Variants in NBPF20 observed in about 807,000 individuals in gnomAD.
The protein encoded by NBPF20 is NBPF family member NBPF20.
Under a neutral mutation model 68.1 loss-of-function variants are expected in NBPF20, and 90 were observed. The observed-to-expected ratio is 1.32, with a 90% CI of 1.11 to 1.58. NBPF20 has a LOEUF of 1.58. Ranked by LOEUF, NBPF20 falls within the 40% of genes most tolerant of loss-of-function variation. NBPF20 has a pLI of 0.00. For synonymous variants in NBPF20, 290 were observed against 228.1 expected (o/e 1.27, Z -2.45); for missense variants, 816 against 601.2 (o/e 1.36, Z -3.74).
At chr1:145,393,395 G>A in intron 9 of NBPF20, 149 bp from the exon 15 acceptor site, 2 of 711,876 alleles carry the variant, frequency 2.8e-6, no homozygotes, top group East Asian at 2.7e-5. Context: ...CTTTATGTTG[G>A]GATAGACTAG....
At chr1:145,419,081 GAGGAAGGA>G in the NBPF20 span, among the ~76,000 whole-genome samples, 3 of 132,714 alleles carry the variant, frequency 2.3e-5, no homozygotes, top group East Asian at 4.5e-4. Flanking sequence ...GGAAGGGAGG[GAGGAAGGA>G]AGGAAGGAAG....
At chr1:145,292,254 C>T (rs1412188375) in intron 137 of NBPF20, 127 bp downstream of exon 142, 2 of 619,690 alleles carry the variant, frequency 3.2e-6, no homozygotes, top group Non-Finnish European at 5.6e-6. Context: ...TGAAAACCAA[C>T]AGCAATGACA....
At chr1:145,393,650 A>T (rs1662055413) in intron 9 of NBPF20, 2 of 1,114,236 alleles carry the variant, frequency 1.8e-6, no homozygotes, top group Admixed American at 2.6e-5. Context: ...AGTTACCATG[A>T]GAATACAGCT....
chr1:145,298,355 C>G (rs1328736699), intron 129 of NBPF20, among the ~76,000 whole-genome samples: 2 of 142,324 alleles, frequency 1.4e-5, no homozygotes, highest in East Asian at 2.0e-4. Flanking sequence ...CACACACACA[C>G]AGACACACAC....
the NBPF20 span, among the ~76,000 whole-genome samples, chr1:145,423,757 T>C: frequency 6.6e-6 from 1 of 151,906 alleles, no homozygotes; most frequent in African/African-American, 2.4e-5. Context: ...CAAAATAATT[T>C]TTAACTGACA....
rs1471920421 is a variant in NBPF20, at chr1:145,292,659, G to A, written c.16589-170C>T. On this transcript the variant is annotated intron_variant, in intron 136 of 137. Transcript: ENST00000369373. The stretch of plus-strand genomic sequence containing the variant: ...AGGCTGTTCATGATAGAACTTCCTC[G>A]GTTTTTCTCCCAGAAACTGTGGGTA... 1.2e-4 allele frequency among the ~76,000 whole-genome samples: 17 copies of A among 147,730 alleles called. 1 individual carries two copies. The South Asian group carries it at 2.3e-3, about 20-fold the overall frequency.
the NBPF20 span, among the ~76,000 whole-genome samples, chr1:145,419,980 CTGAG>C: frequency 3.3e-5 from 5 of 151,840 alleles, no homozygotes; most frequent in Non-Finnish European, 5.9e-5. Context: ...ATACTGGCAA[CTGAG>C]CCATGTTTCC....
intron 137 of NBPF20, 124 bp from the exon 143 acceptor site, chr1:145,291,893 G>GT (rs1661129636): frequency 5.1e-6 from 8 of 1,569,348 alleles, no homozygotes; most frequent in Middle Eastern, 2.4e-4. Flanking sequence ...CATTAATGAG[G>GT]TAAAAAAAAA....
At chr1:145,393,815 T>A (rs1662068399) in intron 9 of NBPF20, 69 bp downstream of exon 14, 19 of 1,239,068 alleles carry the variant, frequency 1.5e-5, no homozygotes, top group Non-Finnish European at 2.0e-5. Flanking sequence ...CAGCATGTAC[T>A]GTTTTCCCTG....
At chr1:145,403,188 C>G (rs1161824485) in intron 3 of NBPF20, 28 bp downstream of exon 8, 3 of 1,612,156 alleles carry the variant, frequency 1.9e-6, no homozygotes, top group East Asian at 4.5e-5. Flanking sequence ...CACCTGCCCC[C>G]CTGCCTGCCA....
At chr1:145,291,850 A>G (rs1293398204) in intron 137 of NBPF20, 81 bp from the exon 143 acceptor site, 6 of 1,609,134 alleles carry the variant, frequency 3.7e-6, no homozygotes, top group Non-Finnish European at 5.1e-6. Flanking sequence ...GAAGTCACAT[A>G]AGGAAGTGGT....
chr1:145,396,617 C>T lies in NBPF20; in HGVS notation c.828-1476G>A, dbSNP rs1486594123. ...CAGCCAGAGAGAAAGGTCGGATTAC[C>T]CACAAAGGGAAGCCCATCAGACTAG... On this transcript the variant is annotated intron_variant, in intron 7 of 137. Transcript: ENST00000369373. Among the ~76,000 whole-genome samples the T allele has an allele frequency of 4.5e-4, 69 of 151,714 alleles. No individual in the cohort carries two copies. The South Asian group carries it at 0.014, about 31-fold the overall frequency.
At chr1:145,422,226 T>C in the NBPF20 span, among the ~76,000 whole-genome samples, 260 of 151,784 alleles carry the variant, frequency 1.7e-3, no homozygotes, top group African/African-American at 5.9e-3. Context: ...GACAGGAAGA[T>C]TGTAAAAACT....
chr1:145,406,105 T>G (rs1203953345), upstream of NBPF20, among the ~76,000 whole-genome samples: 1 of 145,840 alleles, frequency 6.9e-6, no homozygotes, highest in African/African-American at 2.5e-5. Flanking sequence ...TTTTTTTTTT[T>G]TTTGTATTTT....
At chr1:145,425,198 C>T in the NBPF20 span, among the ~76,000 whole-genome samples, 580 of 152,232 alleles carry the variant, frequency 3.8e-3, no homozygotes, top group Non-Finnish European at 6.2e-3. Context: ...GGAACTTAAG[C>T]CCCGGCGGGG....
exon 1 of NBPF20, chr1:145,405,516 G>A: frequency 1.4e-6 from 2 of 1,468,744 alleles, no homozygotes; most frequent in Non-Finnish European, 1.8e-6. Flanking sequence ...CAGTAGCTCA[G>A]ACTCTGATAA....
chr1:145,401,071 G>C, exon 5 of NBPF20: 2 of 1,608,034 alleles, frequency 1.2e-6, no homozygotes, highest in Non-Finnish European at 1.7e-6. Flanking sequence ...GGGGGCAGAC[G>C]ATTTCTGCAC....
chr1:145,406,014 G>GTTCA (rs1553667247), upstream of NBPF20, among the ~76,000 whole-genome samples: 1 of 150,160 alleles, frequency 6.7e-6, no homozygotes, highest in East Asian at 1.9e-4. Flanking sequence ...TGCCTCCCAG[G>GTTCA]TTCACGCTAT....
chr1:145,397,167 A>G (rs1407073526), intron 7 of NBPF20, among the ~76,000 whole-genome samples: 1 of 147,104 alleles, frequency 6.8e-6, no homozygotes, highest in Non-Finnish European at 1.5e-5. Context: ...CCAGTCTATC[A>G]TTGCTGGATA....
Sources: gnomAD v4.1 joint callset for allele counts (sites outside exome capture counted in the v4.1 genomes callset) on GRCh38, gnomAD v4.1.1 for gene constraint, MANE v1.5 for transcripts, NCBI Gene and HGNC (gene_info 2026-07-23, HGNC 2026-07-21) for gene names.